MYPN: variants seen among roughly 807,000 people sequenced by gnomAD.
MYPN encodes the protein myopalladin, also known as sarcomeric protein myopalladin, 145 kDa (MYOP).
MYPN carries 63 observed loss-of-function variants against 129.4 expected under a neutral mutation model. The ratio of observed to expected loss-of-function variants is 0.49; its 90% CI spans 0.40 to 0.60. The LOEUF is 0.60. Among genes scored for constraint, MYPN ranks in the 20% least tolerant of loss-of-function variants. The probability of loss-of-function intolerance (pLI) is 0.00; values close to 1 mark genes in which losing one functional copy is unlikely to be tolerated. For missense variants in MYPN, 1,596 were observed against 1,635.4 expected, an observed-to-expected ratio of 0.98 and a Z score of 0.42; for synonymous variants, 629 against 600.9, an observed-to-expected ratio of 1.05 and a Z score of -0.68.
chr10:68,094,407 G>A (rs2041945715), intron 1 of MYPN, among the ~76,000 whole-genome samples: 1 of 52 alleles, frequency 0.019, no homozygotes, highest in Admixed American at 0.17. Context: ...TGGGACTACA[G>A]GCTGCCTGCC....
intron 1 of MYPN, among the ~76,000 whole-genome samples, chr10:68,118,140 CTTCTT>C (rs1364709045): frequency 1.3e-5 from 2 of 151,954 alleles, no homozygotes; most frequent in Non-Finnish European, 2.9e-5. Flanking sequence ...CCTCAATTGG[CTTCTT>C]TTCTTAAAAA....
rs375465809 is a variant in MYPN, at chr10:68,145,534, T to C, written c.1130+8T>C. 3 of 1,610,500 alleles carry C rather than the reference T, an allele frequency of 1.9e-6. No individual in the cohort carries two copies. Among genetic ancestry groups the C allele is most frequent in the African/African-American group, 2.7e-5 (2 of 74,706 alleles). ...CAAGGAAGAGATGAATCGGTAATTC[T>C]GATTTTCTGTCTTATAGCTTTAGCA... On this transcript the variant is annotated splice_region_variant and intron_variant, in intron 4 of 19. Transcript: ENST00000358913.
At chr10:68,142,529 A>G (rs1011354484) in intron 2 of MYPN, among the ~76,000 whole-genome samples, 6 of 152,260 alleles carry the variant, frequency 3.9e-5, no homozygotes, top group African/African-American at 1.4e-4. Context: ...TAATAGAAAG[A>G]AACGAGTGTC....
chr10:68,182,471 TAC>T (rs71009019), intron 12 of MYPN, among the ~76,000 whole-genome samples: 1,342 of 104,654 alleles, frequency 0.013, 61 homozygotes, highest in South Asian at 0.021. Flanking sequence ...ATAACATATA[TAC>T]ACACACACAC....
intron 7 of MYPN, among the ~76,000 whole-genome samples, chr10:68,160,429 CAAAAAAAAAAAA>C (rs56201900): frequency 4.8e-5 from 3 of 62,074 alleles, no homozygotes; most frequent in Non-Finnish European, 8.1e-5. Flanking sequence ...GACCTTATCT[CAAAAAAAAAAAA>C]AAAAAAAAAA....
intron 4 of MYPN, 91 bp from the exon 5 acceptor site, chr10:68,148,262 T>C: frequency 2.9e-6 from 3 of 1,018,372 alleles, no homozygotes; most frequent in Non-Finnish European, 4.6e-6. Flanking sequence ...CACTCACCTG[T>C]AAGCAGTGAT....
At chr10:68,131,572 G>A (rs2042412131) in intron 2 of MYPN, among the ~76,000 whole-genome samples, 1 of 152,146 alleles carries the variant, frequency 6.6e-6, no homozygotes, top group Non-Finnish European at 1.5e-5. Context: ...GGAGTGCAGT[G>A]GCACAATGAT....
Position 68,189,096 on chromosome 10 carries a change from C to T in MYPN, c.2895C>T (p.Thr965=), listed in dbSNP as rs2134258213. The T allele has an allele frequency of 6.2e-7, 1 of 1,614,094 alleles. No individual in the cohort carries two copies. Among genetic ancestry groups the T allele is most frequent in the East Asian group, 2.2e-5 (1 of 44,878 alleles). ...RVTEGSPVTF[T]CKIVGIPVPK... ...CAGAAGGCTCTCCAGTTACATTCAC[C>T]TGCAAAATTGTTGGGATACCTGTTC... The change falls in exon 13 of 20, where the codon ACC becomes ACT. Residue 965 remains threonine (T), a synonymous_variant. Transcript: ENST00000358913.
rs1189659823 is a variant in MYPN, at chr10:68,201,565, G to A, written c.3494-264G>A. Among the ~76,000 whole-genome samples the A allele has an allele frequency of 2.7e-5, 4 of 149,610 alleles. No homozygotes were observed. The East Asian group carries it at 8.0e-4, about 30-fold the overall frequency. On this transcript the variant is annotated intron_variant, in intron 17 of 19. Coordinates refer to ENST00000358913, the MANE Select transcript of MYPN (RefSeq NM_032578.4). Reference sequence around the variant, plus strand: ...GTGGGTCACCTGAGGCCAGGAGTTCGAGATCAGCCTGGCCAACATGACGAA... The same window carrying A: ...GTGGGTCACCTGAGGCCAGGAGTTCAAGATCAGCCTGGCCAACATGACGAA...
chr10:68,090,877 G>A (rs2133933587), intron 1 of MYPN, among the ~76,000 whole-genome samples: 1 of 152,156 alleles, frequency 6.6e-6, no homozygotes, highest in South Asian at 2.1e-4. Context: ...AAATTACCAG[G>A]TTTCATTGTC....
chr10:68,106,197 T>C (rs2042010828), upstream of MYPN: 2 of 453,902 alleles, frequency 4.4e-6, no homozygotes, highest in South Asian at 3.1e-5. Flanking sequence ...ACCACAAATT[T>C]ACTTCTCAGG....
chr10:68,106,495 G>A, upstream of MYPN: 2 of 565,530 alleles, frequency 3.5e-6, no homozygotes, highest in South Asian at 3.7e-5. Flanking sequence ...ATTAAAAATG[G>A]CTAAAAAATA....
intron 12 of MYPN, among the ~76,000 whole-genome samples, chr10:68,181,219 A>G (rs2043308216): frequency 6.6e-6 from 1 of 152,244 alleles, no homozygotes; most frequent in Admixed American, 6.5e-5. Flanking sequence ...GACATTTAAA[A>G]TGGACATTTA....
chr10:68,150,573 AG>A (rs1489345104), intron 6 of MYPN, among the ~76,000 whole-genome samples: 1 of 152,190 alleles, frequency 6.6e-6, no homozygotes, highest in East Asian at 1.9e-4. Flanking sequence ...TCAACTGTTG[AG>A]GTGGCATCAA....
chr10:68,182,962 C>T (rs2043362310), intron 12 of MYPN, among the ~76,000 whole-genome samples: 1 of 152,136 alleles, frequency 6.6e-6, no homozygotes, highest in Non-Finnish European at 1.5e-5. Context: ...CATATTGCTT[C>T]TGTAGTTCCT....
chr10:68,143,403 T>C lies in MYPN; in HGVS notation c.1078+288T>C, dbSNP rs1389671923. Among the ~76,000 whole-genome samples the C allele has an allele frequency of 2.6e-5, 4 of 152,254 alleles. No homozygotes were observed. In the East Asian group the frequency reaches 7.7e-4, roughly 29 times the overall value. On this transcript the variant is annotated intron_variant, in intron 3 of 19. Transcript: ENST00000358913. ...AAGAAAAAGAGATAGGAATGGTGTA[T>C]GTATGAGTGTAGGGGGCGGAGGAGT...
rs2042918858 is a variant in MYPN at position 68,158,487 on chromosome 10, T to C, written c.1319T>C (p.Met440Thr). 4.3e-6 allele frequency: 7 copies of C among 1,613,732 alleles called. No homozygotes were observed. In the East Asian group the frequency reaches 1.6e-4, roughly 36 times the overall value. ...PIIAAPVFTK[M>T]LQNLSASEGQ... is the part of the protein sequence containing the mutation. ...ACTACATTCTTCTTATCATTATAGA[T>C]GCTACAAAATTTGTCAGCTTCTGAG... is the stretch of plus-strand genomic sequence containing the variant. The change falls in exon 7 of 20, where the codon ATG (methionine) becomes ACG (threonine). Residue 440 changes from methionine (M) to threonine (T), a missense_variant and splice_region_variant. Met to Thr is a moderately conservative substitution (Grantham distance 81, BLOSUM62 -1). Transcript: ENST00000358913.
chr10:68,151,369 T>G (rs1471021171), intron 6 of MYPN, among the ~76,000 whole-genome samples: 1 of 152,204 alleles, frequency 6.6e-6, no homozygotes, highest in African/African-American at 2.4e-5. Context: ...GCCTCTCAAT[T>G]TTTCAAGTTC....
upstream of MYPN, among the ~76,000 whole-genome samples, chr10:68,104,871 C>T (rs1280304555): frequency 1.3e-5 from 2 of 152,050 alleles, no homozygotes; most frequent in African/African-American, 4.8e-5. Context: ...GTAACATCTG[C>T]CTCCTGGGTT....
Sources: gnomAD v4.1 joint callset for allele counts (sites outside exome capture counted in the v4.1 genomes callset) on GRCh38, gnomAD v4.1.1 for gene constraint, MANE v1.5 for transcripts, NCBI Gene and HGNC (gene_info 2026-07-23, HGNC 2026-07-21) for gene names.